The following SYT14 variants were observed in gnomAD, a reference collection of about 807,000 sequenced individuals.
SYT14 encodes synaptotagmin 14.
Under a neutral mutation model 74.2 loss-of-function variants are expected in SYT14, and 32 were observed. The ratio of observed to expected loss-of-function variants is 0.43; its 90% CI spans 0.33 to 0.58. SYT14 has a LOEUF of 0.58. SYT14 is among the 20% of genes least tolerant of loss of function. SYT14 has a pLI of 0.05. For synonymous variants in SYT14, 298 were observed against 337.7 expected, an observed-to-expected ratio of 0.88 and a Z score of 1.29; for missense variants, 791 against 981.8, an observed-to-expected ratio of 0.81 and a Z score of 2.60.
chr1:209,975,187 A>G (rs1161162043), intron 2 of SYT14, among the ~76,000 whole-genome samples: 1 of 152,092 alleles, frequency 6.6e-6, no homozygotes, highest in Non-Finnish European at 1.5e-5. Context: ...CTCTTTTCCT[A>G]ATTGAATACC....
intron 2 of SYT14, among the ~76,000 whole-genome samples, chr1:210,002,546 A>G (rs1392225608): frequency 6.6e-6 from 1 of 150,960 alleles, no homozygotes; most frequent in Non-Finnish European, 1.5e-5. Context: ...TTTTTTCTGT[A>G]CTGTTGAGTC....
At chr1:210,045,057 C>A (rs986818588) in intron 5 of SYT14, among the ~76,000 whole-genome samples, 4 of 152,170 alleles carry the variant, frequency 2.6e-5, no homozygotes, top group Non-Finnish European at 4.4e-5. Flanking sequence ...ACATCCAAAT[C>A]ATGTTATGAT....
intron 2 of SYT14, among the ~76,000 whole-genome samples, chr1:209,976,954 A>T (rs1486573580): frequency 6.6e-6 from 1 of 152,116 alleles, no homozygotes; most frequent in Admixed American, 6.5e-5. Flanking sequence ...CTTTACCATT[A>T]TGTAATGGCC....
At chr1:210,002,479 T>C (rs997381247) in intron 2 of SYT14, among the ~76,000 whole-genome samples, 2 of 152,120 alleles carry the variant, frequency 1.3e-5, no homozygotes, top group African/African-American at 4.8e-5. Context: ...GTAACTATTA[T>C]TCATTCATTT....
At chr1:210,068,194 C>T (rs764159067) in intron 5 of SYT14, among the ~76,000 whole-genome samples, 3 of 151,812 alleles carry the variant, frequency 2.0e-5, no homozygotes, top group Non-Finnish European at 4.4e-5. Flanking sequence ...TTGGAAATCA[C>T]ATGGATTTTA....
chr1:209,998,351 ATAT>A (rs1458028541), intron 2 of SYT14, among the ~76,000 whole-genome samples: 3 of 152,154 alleles, frequency 2.0e-5, no homozygotes, highest in Non-Finnish European at 2.9e-5. Flanking sequence ...GGAAGAGTTA[ATAT>A]TATTAAAATG....
At chr1:210,132,904 C>T (rs1434293824) in intron 7 of SYT14, among the ~76,000 whole-genome samples, 1 of 152,120 alleles carries the variant, frequency 6.6e-6, no homozygotes, top group Non-Finnish European at 1.5e-5. Flanking sequence ...TTACTTGTTT[C>T]TGAGATTTTT....
At chr1:209,949,649 G>A (rs1348960411) in intron 1 of SYT14, among the ~76,000 whole-genome samples, 3 of 148,808 alleles carry the variant, frequency 2.0e-5, no homozygotes, top group Non-Finnish European at 3.0e-5. Flanking sequence ...TTCTTCTTTT[G>A]TGTTTTTAAA....
chr1:209,975,933 A>C (rs1460230720), intron 2 of SYT14, among the ~76,000 whole-genome samples: 1 of 152,068 alleles, frequency 6.6e-6, no homozygotes, highest in Non-Finnish European at 1.5e-5. Flanking sequence ...TAGTCTTGGG[A>C]GGGTGTATGT....
chr1:210,131,646 A>G (rs997983024), intron 7 of SYT14, among the ~76,000 whole-genome samples: 13 of 152,196 alleles, frequency 8.5e-5, no homozygotes, highest in Non-Finnish European at 1.5e-4. Flanking sequence ...ACCAATTTTA[A>G]TTCAGCACCA....
intron 2 of SYT14, among the ~76,000 whole-genome samples, chr1:209,992,542 TGA>T (rs1241955654): frequency 1.3e-5 from 2 of 151,896 alleles, no homozygotes; most frequent in African/African-American, 2.4e-5. Context: ...GATGGAAGTG[TGA>T]GAGAAGGATG....
intron 5 of SYT14, among the ~76,000 whole-genome samples, chr1:210,037,071 T>C (rs1236198293): frequency 6.6e-6 from 1 of 151,940 alleles, no homozygotes; most frequent in African/African-American, 2.4e-5. Flanking sequence ...TTTTTTGTTG[T>C]TGTTGGGAGA....
At chr1:210,009,802 A>G (rs151026445) in intron 2 of SYT14, among the ~76,000 whole-genome samples, 3 of 152,148 alleles carry the variant, frequency 2.0e-5, no homozygotes, top group East Asian at 1.9e-4. Flanking sequence ...TTCTCCTTCT[A>G]CTTTCCTCTT....
intron 8 of SYT14, among the ~76,000 whole-genome samples, chr1:210,158,313 A>ATGGTGGG (rs2083308107): frequency 2.0e-5 from 3 of 152,182 alleles, no homozygotes; most frequent in Non-Finnish European, 4.4e-5. Flanking sequence ...GGCCTGTGAC[A>ATGGTGGG]AACATAAGAG....
At chr1:210,017,140 C>G in intron 4 of SYT14, 1 of 1,084,056 alleles carries the variant, frequency 9.2e-7, no homozygotes, top group Non-Finnish European at 1.1e-6. Flanking sequence ...TAAATTTTCT[C>G]TTGATTTTTT....
chr1:210,130,496 CTG>C (rs879406360), intron 7 of SYT14, among the ~76,000 whole-genome samples: 9 of 152,086 alleles, frequency 5.9e-5, no homozygotes, highest in Non-Finnish European at 1.2e-4. Context: ...TTTTAAGAAA[CTG>C]ACAAATTCAT....
chr1:210,020,991 G>T, intron 4 of SYT14, 48 bp from the exon 4 acceptor site: 4 of 1,558,086 alleles, frequency 2.6e-6, no homozygotes, highest in Non-Finnish European at 3.5e-6. Context: ...GTGAGGGGAG[G>T]GAATTTTTTT....
At chr1:210,143,485 C>G (rs746225769) in intron 7 of SYT14, among the ~76,000 whole-genome samples, 2 of 151,918 alleles carry the variant, frequency 1.3e-5, no homozygotes, top group Non-Finnish European at 2.9e-5. Flanking sequence ...TTCATTTGCT[C>G]CCGTTTGTTT....
intron 2 of SYT14, among the ~76,000 whole-genome samples, chr1:209,971,979 C>T (rs186777536): frequency 1.7e-4 from 26 of 152,154 alleles, no homozygotes; most frequent in Admixed American, 1.1e-3. Flanking sequence ...CTTCTTTATG[C>T]GTCTGTTAGA....
Sources: allele counts gnomAD v4.1 joint callset (sites outside exome capture counted in the v4.1 genomes callset), GRCh38; gene constraint gnomAD v4.1.1; transcripts MANE v1.5; gene names NCBI Gene and HGNC (gene_info 2026-07-23, HGNC 2026-07-21).